SV2C: variants seen among roughly 807,000 people sequenced by gnomAD.
SV2C encodes the protein synaptic vesicle glycoprotein 2C, also known as solute carrier family 22 member B3.
Under a neutral mutation model 79.7 loss-of-function variants are expected in SV2C, and 49 were observed. That is an observed-to-expected ratio of 0.61 (90% confidence interval 0.49 to 0.78). The LOEUF is 0.78. Among genes scored for constraint, SV2C ranks in the 30% least tolerant of loss-of-function variants. The probability of loss-of-function intolerance (pLI) is 0.00; values close to 1 mark genes in which losing one functional copy is unlikely to be tolerated. For missense variants in SV2C, 833 were observed against 912.9 expected, an observed-to-expected ratio of 0.91 and a Z score of 1.13; for synonymous variants, 334 against 333.2, an observed-to-expected ratio of 1.00 and a Z score of -0.03.
At chr5:76,296,348 A>G (rs893779046) in intron 9 of SV2C, among the ~76,000 whole-genome samples, 1 of 152,134 alleles carries the variant, frequency 6.6e-6, no homozygotes, top group African/African-American at 2.4e-5. Flanking sequence ...ATTCCTGAGA[A>G]ACAGAGCCAC....
At chr5:76,169,839 A>G (rs1203655685) in intron 2 of SV2C, among the ~76,000 whole-genome samples, 1 of 152,192 alleles carries the variant, frequency 6.6e-6, no homozygotes, top group African/African-American at 2.4e-5. Context: ...ATGTTAGTGG[A>G]ATAGTGGTGT....
chr5:76,016,941 C>T, the SV2C span, among the ~76,000 whole-genome samples: 40 of 152,192 alleles, frequency 2.6e-4, no homozygotes, highest in African/African-American at 9.2e-4. Flanking sequence ...ATGCCACCTG[C>T]GCTGTGCGTC....
intron 12 of SV2C, among the ~76,000 whole-genome samples, chr5:76,339,911 G>A (rs959810889): frequency 6.6e-6 from 1 of 152,024 alleles, no homozygotes; most frequent in African/African-American, 2.4e-5. Context: ...ATTCCCAGGA[G>A]GTTAAGGCAT....
intron 12 of SV2C, among the ~76,000 whole-genome samples, chr5:76,320,186 A>G (rs1187011260): frequency 1.3e-5 from 2 of 148,184 alleles, no homozygotes; most frequent in East Asian, 2.0e-4. Context: ...GAAAGAAGTC[A>G]GTCTTTAAAA....
chr5:76,288,083 C>CAAAAA (rs36124813), intron 6 of SV2C, among the ~76,000 whole-genome samples: 2 of 82,580 alleles, frequency 2.4e-5, no homozygotes, highest in African/African-American at 4.3e-5. Flanking sequence ...GACTCCATCT[C>CAAAAA]AAAAAAAAAA....
intron 2 of SV2C, among the ~76,000 whole-genome samples, chr5:76,137,025 A>G (rs1749092782): frequency 2.0e-5 from 3 of 152,182 alleles, no homozygotes; most frequent in African/African-American, 7.2e-5. Flanking sequence ...AGAGACTTAA[A>G]ATGTCAAATA....
At chr5:75,954,244 C>G in the SV2C span, among the ~76,000 whole-genome samples, 1 of 151,894 alleles carries the variant, frequency 6.6e-6, no homozygotes, top group Admixed American at 6.6e-5. Flanking sequence ...GAGTTGCACT[C>G]TTATTTCTTA....
At chr5:75,965,915 G>C in the SV2C span, among the ~76,000 whole-genome samples, 1 of 152,122 alleles carries the variant, frequency 6.6e-6, no homozygotes, top group Non-Finnish European at 1.5e-5. Context: ...AAGACAAAAA[G>C]ATTAACATTC....
chr5:76,134,638 C>T (rs1412038265), intron 2 of SV2C, among the ~76,000 whole-genome samples: 1 of 152,164 alleles, frequency 6.6e-6, no homozygotes, highest in African/African-American at 2.4e-5. Context: ...GATTGAGCCT[C>T]TCTTTGTGTT....
At chr5:75,916,866 G>T in the SV2C span, among the ~76,000 whole-genome samples, 413 of 152,298 alleles carry the variant, frequency 2.7e-3, 4 homozygotes, top group African/African-American at 9.2e-3. Context: ...CCTTGGGCAG[G>T]ATGAAAATAC....
At chr5:76,275,648 TCAGA>T (rs1420839073) in intron 4 of SV2C, among the ~76,000 whole-genome samples, 2 of 152,214 alleles carry the variant, frequency 1.3e-5, no homozygotes, top group South Asian at 2.1e-4. Context: ...TTGAAAGGTT[TCAGA>T]CAGTCAGGCA....
chr5:76,116,060 G>A (rs1195543368), intron 1 of SV2C, among the ~76,000 whole-genome samples: 1 of 152,210 alleles, frequency 6.6e-6, no homozygotes, highest in East Asian at 1.9e-4. Context: ...TAGAAGAGCA[G>A]CACCTCCTGC....
chr5:76,204,930 ACT>A (rs1264071937), intron 3 of SV2C, among the ~76,000 whole-genome samples: 2 of 152,178 alleles, frequency 1.3e-5, no homozygotes, highest in Non-Finnish European at 2.9e-5. Flanking sequence ...GACTTGGCAT[ACT>A]CTGTCATCCT....
In SV2C at chr5:76,329,949, G is replaced by C. The variant is rs1029024996; in HGVS notation, c.*4402G>C. On this transcript the variant is annotated 3_prime_UTR_variant, in exon 13 of 13. Transcript: ENST00000502798. ...CTGGTTACTAAGCCTAAAAACACCA[G>C]TATTGCAACAACTTCTGAAACTCTG... 1 of 151,816 alleles carries C rather than the reference G, an allele frequency of 6.6e-6. No homozygotes were observed. Among genetic ancestry groups the C allele is most frequent in the African/African-American group, 2.4e-5 (1 of 41,292 alleles). 9.4% of individuals were successfully genotyped at this position (151,816 alleles called of 1,614,324 possible). A position where few individuals can be genotyped will look rare whatever the true frequency, so the allele number is the denominator to read the frequency against.
the SV2C span, among the ~76,000 whole-genome samples, chr5:75,875,758 C>T: frequency 6.6e-6 from 1 of 151,878 alleles, no homozygotes; most frequent in Non-Finnish European, 1.5e-5. Context: ...AAAAAGTGGG[C>T]AAAGGACATG....
the SV2C span, among the ~76,000 whole-genome samples, chr5:75,946,605 A>G: frequency 6.6e-6 from 1 of 152,142 alleles, no homozygotes; most frequent in Non-Finnish European, 1.5e-5. Flanking sequence ...CAGTGATAAC[A>G]CTGTCAAAAC....
chr5:75,951,159 T>A, the SV2C span, among the ~76,000 whole-genome samples: 1 of 151,922 alleles, frequency 6.6e-6, no homozygotes, highest in East Asian at 1.9e-4. Flanking sequence ...GGGATAAAAA[T>A]TTATGTGGTC....
At position 76,106,228 on chromosome 5, in the gene SV2C, G is replaced by A. The variant is rs77933527; in HGVS notation, c.-102+22716G>A. 9.5e-3 allele frequency among the ~76,000 whole-genome samples: 1,442 copies of A among 152,136 alleles called. 8 individuals are homozygous for A. The highest frequency in any genetic ancestry group is 0.013 in the Non-Finnish European group (888 of 68,014). On this transcript the variant is annotated intron_variant, in intron 1 of 12. Transcript: ENST00000502798. ...GTGTACCGCATCAGGAAGTGCTTGT[G>A]CCTCTGCCTTCAAATTATAACCAGA...
intron 9 of SV2C, 94 bp from the exon 10 acceptor site, chr5:76,298,700 G>A: frequency 2.1e-6 from 3 of 1,430,840 alleles, no homozygotes; most frequent in Non-Finnish European, 2.9e-6. Context: ...ACAGTCCATA[G>A]TGGGGCATTC....
Sources: allele counts gnomAD v4.1 joint callset (sites outside exome capture counted in the v4.1 genomes callset), GRCh38; gene constraint gnomAD v4.1.1; transcripts MANE v1.5; gene names NCBI Gene and HGNC (gene_info 2026-07-23, HGNC 2026-07-21).